BET1: variants seen among roughly 807,000 people sequenced by gnomAD.
BET1 encodes the protein Bet1 golgi vesicular membrane trafficking protein.
A neutral mutation model predicts 13.9 loss-of-function variants in BET1; 9 were observed. The ratio of observed to expected loss-of-function variants is 0.65; its 90% CI spans 0.39 to 1.13. The LOEUF is 1.13. Among genes scored for constraint, BET1 ranks in the 50% most tolerant of loss-of-function variants. BET1 has a pLI of 0.01. For synonymous variants in BET1, 39 were observed against 47.3 expected, an observed-to-expected ratio of 0.82 and a Z score of 0.72; for missense variants, 127 against 133.6, an observed-to-expected ratio of 0.95 and a Z score of 0.24.
In BET1 at chr7:93,981,964, A is replaced by C. The variant is rs143082102; in HGVS notation, c.236-5864T>G. On this transcript the variant is annotated intron_variant and NMD_transcript_variant, in intron 4 of 6. Transcript: ENST00000357520. ...GGATTGTGGGGAGAGTGGATAGGCG[A>C]AGCTGAGTAGCTCTGGTATGACACA... is the stretch of plus-strand genomic sequence containing the variant. Among the ~76,000 whole-genome samples, 567 of 152,264 alleles carry C rather than the reference A, an allele frequency of 3.7e-3. 3 individuals carry two copies. Among genetic ancestry groups the C allele is most frequent in the African/African-American group, 0.013 (533 of 41,572 alleles).
In BET1 at chr7:93,994,196, G is replaced by A. The variant is rs1157512237; in HGVS notation, c.*34C>T. The A allele has an allele frequency of 7.6e-6, 12 of 1,579,576 alleles. No individual in the cohort carries two copies. In the Admixed American group the frequency reaches 8.9e-5, roughly 12 times the overall value. ...TCAAAGTGGTACTGCAAGCCATTAA[G>A]TTGGAACAAATTCCAAATTCACAAT... On this transcript the variant is annotated 3_prime_UTR_variant, in exon 4 of 4. Transcript: ENST00000222547.
chr7:93,990,157 C>A (rs1315929382), downstream of BET1, among the ~76,000 whole-genome samples: 1 of 151,752 alleles, frequency 6.6e-6, no homozygotes. Context: ...AGAAACTAAG[C>A]ATTAAATCTG....
At chr7:93,975,818 T>C (rs1709054107) in intron 5 of BET1, 1 of 603,900 alleles carries the variant, frequency 1.7e-6, no homozygotes, top group African/African-American at 1.9e-5. Context: ...TCTCTTTTAA[T>C]ATCATGCTCA....
At chr7:94,003,059 C>T (rs1795945726) in intron 1 of BET1, among the ~76,000 whole-genome samples, 1 of 152,086 alleles carries the variant, frequency 6.6e-6, no homozygotes, top group South Asian at 2.1e-4. Context: ...ACAAACAGGG[C>T]AACAAACAAC....
intron 6 of BET1, chr7:93,972,523 T>A (rs1181278716): frequency 6.6e-6 from 1 of 151,814 alleles, no homozygotes; most frequent in Non-Finnish European, 1.5e-5. Context: ...TTGATTCAAA[T>A]CAAGGCTGAT....
intron 3 of BET1, among the ~76,000 whole-genome samples, chr7:93,994,997 C>A (rs1001880170): frequency 6.6e-6 from 1 of 151,214 alleles, no homozygotes; most frequent in Non-Finnish European, 1.5e-5. Flanking sequence ...GCGCACGCCA[C>A]CACGCCCAGC....
At chr7:94,002,313 A>C (rs1328910449) in intron 1 of BET1, among the ~76,000 whole-genome samples, 2 of 152,154 alleles carry the variant, frequency 1.3e-5, no homozygotes. Context: ...TTAAAATTTC[A>C]GGTCAATATG....
At chr7:93,992,569 G>A (rs1795658179), downstream of BET1, 1 of 985,130 alleles carries the variant, frequency 1.0e-6, no homozygotes, top group Non-Finnish European at 1.2e-6. Context: ...AAAACTTCTT[G>A]AATGAATGAG....
rs185579530 is a variant in BET1 at position 93,979,371 on chromosome 7, A to T, written c.236-3271T>A. ...TTTATACATACTTTTGTATAAAAGT[A>T]TATTTTTATTTCCTGAAAGCAGTGA... On this transcript the variant is annotated intron_variant and NMD_transcript_variant, in intron 4 of 6. Coordinates refer to the BET1 transcript ENST00000357520. Among the ~76,000 whole-genome samples the T allele has an allele frequency of 5.9e-3, 902 of 152,280 alleles. 3 individuals carry two copies. Among genetic ancestry groups the T allele is most frequent in the African/African-American group, 0.02 (838 of 41,554 alleles).
intron 4 of BET1, among the ~76,000 whole-genome samples, chr7:93,976,369 T>TGC (rs1795336345): frequency 6.6e-6 from 1 of 151,794 alleles, no homozygotes; most frequent in Admixed American, 6.6e-5. Flanking sequence ...TGTGTGTGTG[T>TGC]GTAAACATAC....
intron 4 of BET1, among the ~76,000 whole-genome samples, chr7:93,981,184 T>C (rs1275857875): frequency 6.6e-6 from 1 of 152,198 alleles, no homozygotes; most frequent in Non-Finnish European, 1.5e-5. Flanking sequence ...AAATTTCTCC[T>C]AACTGCTTTT....
At chr7:93,988,826 T>G (rs1485879893), downstream of BET1, among the ~76,000 whole-genome samples, 1 of 151,524 alleles carries the variant, frequency 6.6e-6, no homozygotes, top group Non-Finnish European at 1.5e-5. Flanking sequence ...CCTTCCTTCC[T>G]TTTCATTTTT....
intron 6 of BET1, among the ~76,000 whole-genome samples, chr7:93,970,543 T>C (rs1448473613): frequency 1.3e-5 from 2 of 151,848 alleles, no homozygotes; most frequent in African/African-American, 4.8e-5. Context: ...TATATAGTCA[T>C]AATTCTTACT....
downstream of BET1, chr7:93,992,782 T>C: frequency 2.2e-6 from 2 of 903,916 alleles, no homozygotes; most frequent in Non-Finnish European, 2.6e-6. Flanking sequence ...AACTATCCTA[T>C]GAAATAGATG....
At chr7:93,982,508 A>T (rs1268217602) in intron 4 of BET1, among the ~76,000 whole-genome samples, 1 of 152,112 alleles carries the variant, frequency 6.6e-6, no homozygotes, top group African/African-American at 2.4e-5. Flanking sequence ...TTGGGCTTGG[A>T]TAATAAAGAT....
At position 93,994,192 on chromosome 7, in the gene BET1, T is replaced by C. The variant is rs1386632824; in HGVS notation, c.*38A>G. On this transcript the variant is annotated 3_prime_UTR_variant, in exon 4 of 4. Coordinates refer to ENST00000222547, the MANE Select transcript of BET1 (RefSeq NM_005868.6). The stretch of plus-strand genomic sequence containing the variant: ...TTTATCAAAGTGGTACTGCAAGCCA[T>C]TAAGTTGGAACAAATTCCAAATTCA... The C allele has an allele frequency of 1.3e-6, 2 of 1,574,532 alleles. No homozygotes were observed. The highest frequency in any genetic ancestry group is 1.7e-6 in the Non-Finnish European group (2 of 1,159,934).
chr7:93,963,582 A>C (rs767683436), exon 7 of BET1: 1 of 152,122 alleles, frequency 6.6e-6, no homozygotes, highest in Non-Finnish European at 1.5e-5. Flanking sequence ...TGTGGCAGCC[A>C]GTTAATAAAT....
chr7:93,999,763 T>C (rs1260969157), intron 1 of BET1: 2 of 453,002 alleles, frequency 4.4e-6, no homozygotes, highest in Admixed American at 2.4e-5. Flanking sequence ...TTCTCTTAAA[T>C]AGACAGTTGG....
At chr7:93,997,483 A>G (rs1224578784) in intron 2 of BET1, among the ~76,000 whole-genome samples, 3 of 152,178 alleles carry the variant, frequency 2.0e-5, no homozygotes, top group Non-Finnish European at 2.9e-5. Context: ...TTTAATTCTT[A>G]AGTCCTTCCA....
Sources: gnomAD v4.1 joint callset for allele counts (sites outside exome capture counted in the v4.1 genomes callset) on GRCh38, gnomAD v4.1.1 for gene constraint, MANE v1.5 for transcripts, NCBI Gene and HGNC (gene_info 2026-07-23, HGNC 2026-07-21) for gene names.